Variants in INCENP observed in about 807,000 individuals in gnomAD.
INCENP encodes the protein binds and activates aurora-B and -C in vivo and in vitro.
INCENP carries 43 observed loss-of-function variants against 107.3 expected under a neutral mutation model. The observed-to-expected ratio is 0.40, with a 90% CI of 0.31 to 0.52. The LOEUF (loss-of-function observed/expected upper bound fraction) is 0.52. INCENP is among the 20% of genes least tolerant of loss of function. INCENP has a pLI of 0.53. For missense variants in INCENP, 1,089 were observed against 1,250.9 expected, an observed-to-expected ratio of 0.87 and a Z score of 1.95; for synonymous variants, 488 against 494.4, an observed-to-expected ratio of 0.99 and a Z score of 0.17.
intron 14 of INCENP, 21 bp downstream of exon 14, chr11:62,145,772 CAG>C: frequency 1.3e-6 from 2 of 1,548,200 alleles, no homozygotes; most frequent in South Asian, 1.2e-5. Context: ...AGGTGGGCCT[CAG>C]GGAGGAGGTG....
Position 62,129,835 on chromosome 11 carries a change from G to A in INCENP, c.308G>A (p.Ser103Asn), listed in dbSNP as rs768473115. Reference protein sequence around the residue: ...SSQLSSRRLRSKDSVEKLATV... With the variant: ...SSQLSSRRLRNKDSVEKLATV... The stretch of plus-strand genomic sequence containing the variant: ...CAGCTGAGCTCCCGACGCCTCCGCA[G>A]CAAGGACAGTGTAGAGAAGCTGGCT... Residue 103 changes from serine to asparagine, a missense_variant, in exon 4 of 19, where the codon AGC (serine) becomes AAC (asparagine). Physicochemically the swap from Ser to Asn is conservative, Grantham distance 46. Transcript: ENST00000394818. 3.7e-6 allele frequency: 6 copies of A among 1,612,272 alleles called. No homozygotes were observed. In the South Asian group the frequency reaches 4.4e-5, roughly 12 times the overall value.
chr11:62,142,253 T>C (rs1944140942), intron 11 of INCENP, among the ~76,000 whole-genome samples: 1 of 152,248 alleles, frequency 6.6e-6, no homozygotes, highest in Non-Finnish European at 1.5e-5. Context: ...CCGGGAGGGC[T>C]TCTGCCTCCA....
At position 62,141,031 on chromosome 11, in the gene INCENP, G is replaced by T. The variant is rs746144974; in HGVS notation, c.1580G>T (p.Arg527Leu). ...TTTATTAAGCGCAACACTCCCCTGC[G>T]CATGGACCCCAAGGTGAGGGGCCTG... The part of the protein sequence containing the change: ...KSFIKRNTPL[R>L]MDPKCSFVEK... Residue 527 changes from arginine to leucine, a missense_variant, in exon 10 of 19, where the codon CGC becomes CTC. Arg to Leu is a moderately radical substitution (Grantham distance 102, BLOSUM62 -2). Transcript: ENST00000394818. The T allele has an allele frequency of 2.4e-5, 38 of 1,613,438 alleles. No individual in the cohort carries two copies. Among genetic ancestry groups the T allele is most frequent in the Non-Finnish European group, 3.1e-5 (36 of 1,179,772 alleles).
At chr11:62,134,776 G>T (rs755890157) in intron 4 of INCENP, among the ~76,000 whole-genome samples, 1 of 152,170 alleles carries the variant, frequency 6.6e-6, no homozygotes, top group Non-Finnish European at 1.5e-5. Flanking sequence ...AACTGGACGG[G>T]CGAGGTGGCT....
Position 62,127,516 on chromosome 11 carries a change from G to T in INCENP, c.-11-635G>T, listed in dbSNP as rs144073142. ...TTGGAGGGCATTTCAGCTCAAGGGA[G>T]AGGGTTGTGGGAGGCCCCTTGAGGG... On this transcript the variant is annotated intron_variant, in intron 1 of 18. Coordinates refer to ENST00000394818, the MANE Select transcript of INCENP (RefSeq NM_001040694.2). Among the ~76,000 whole-genome samples the T allele has an allele frequency of 7.7e-3, 1,175 of 152,368 alleles. 10 individuals carry two copies. Among genetic ancestry groups the T allele is most frequent in the Non-Finnish European group, 0.012 (793 of 68,032 alleles).
chr11:62,144,834 G>A, intron 11 of INCENP, 148 bp from the exon 12 acceptor site: 3 of 802,758 alleles, frequency 3.7e-6, no homozygotes, highest in South Asian at 1.3e-5. Context: ...TGCTGTTGGG[G>A]CCACGTTGGG....
intron 7 of INCENP, among the ~76,000 whole-genome samples, 157 bp downstream of exon 7, chr11:62,139,162 C>G (rs1236202842): frequency 6.6e-6 from 1 of 152,168 alleles, no homozygotes. Flanking sequence ...CCTTTTGAGT[C>G]TGTAGACTTC....
chr11:62,139,132 A>C lies in INCENP; in HGVS notation c.1291+127A>C, dbSNP rs142511903. ...GGGCCAGTAGGCTAAAGAGAAATTA[A>C]ACCTGGGGGTGCAGAGATCCCTTTT... is the stretch of plus-strand genomic sequence containing the variant. On this transcript the variant is annotated intron_variant, in intron 7 of 18. Coordinates refer to ENST00000394818, the MANE Select transcript of INCENP (RefSeq NM_001040694.2). 1.8e-5 allele frequency: 12 copies of C among 681,266 alleles called. 1 individual carries two copies. In the African/African-American group the frequency reaches 2.0e-4, roughly 11 times the overall value. The allele number at this position is 681,266 out of a possible 1,614,324, so 42.2% of individuals were successfully genotyped here. A position where few individuals can be genotyped will look rare whatever the true frequency, so the allele number is the denominator to read the frequency against.
At chr11:62,125,904 T>C (rs1446362056) in intron 1 of INCENP, among the ~76,000 whole-genome samples, 6 of 152,208 alleles carry the variant, frequency 3.9e-5, no homozygotes, top group Non-Finnish European at 8.8e-5. Context: ...TGCAGAGAAT[T>C]ACAATCAATG....
chr11:62,138,107 G>A, intron 5 of INCENP: 1 of 594,656 alleles, frequency 1.7e-6, no homozygotes, highest in Non-Finnish European at 3.0e-6. Flanking sequence ...TGCCTGGCTA[G>A]ACCTGACCCT....
chr11:62,145,076 T>C lies in INCENP; in HGVS notation c.1700T>C (p.Leu567Pro), dbSNP rs1944211144. The change falls in exon 12 of 19, where the codon CTG becomes CCG. Residue 567 changes from leucine (L) to proline (P), a missense_variant. Physicochemically the swap from Leu to Pro is moderately conservative, Grantham distance 98. Transcript: ENST00000394818. ...QKVEEDKRRRLEEVKLKREER... is the reference protein window; with the variant it reads ...QKVEEDKRRRPEEVKLKREER... ...GTGGAGGAGGACAAGCGGCGGCGGC[T>C]GGAGGAGGTGAAGCTGTAAGTGGCC... The C allele has an allele frequency of 2.5e-6, 4 of 1,613,530 alleles. No individual in the cohort carries two copies. Among genetic ancestry groups the C allele is most frequent in the African/African-American group, 2.7e-5 (2 of 74,894 alleles).
chr11:62,141,111 C>T, intron 10 of INCENP, 67 bp downstream of exon 10: 1 of 1,551,282 alleles, frequency 6.4e-7, no homozygotes, highest in Non-Finnish European at 8.7e-7. Flanking sequence ...TCCAGTCTGT[C>T]CTGTAAGATA....
At chr11:62,131,909 G>T (rs1943902101) in intron 4 of INCENP, among the ~76,000 whole-genome samples, 1 of 152,036 alleles carries the variant, frequency 6.6e-6, no homozygotes, top group South Asian at 2.1e-4. Flanking sequence ...AGTCTCCCGA[G>T]TAGCAGGGAT....
At chr11:62,151,059 G>T (rs192682052) in intron 18 of INCENP, among the ~76,000 whole-genome samples, 67 of 152,300 alleles carry the variant, frequency 4.4e-4, no homozygotes, top group African/African-American at 1.6e-3. Flanking sequence ...GAGCCAGCTC[G>T]CTTGCAAAGC....
intron 18 of INCENP, among the ~76,000 whole-genome samples, chr11:62,151,511 G>A (rs768550777): frequency 6.6e-6 from 1 of 152,230 alleles, no homozygotes; most frequent in African/African-American, 2.4e-5. Flanking sequence ...GTCGGGACAG[G>A]TTCAAGGAGT....
intron 13 of INCENP, 69 bp from the exon 14 acceptor site, chr11:62,145,560 A>T: frequency 6.6e-7 from 1 of 1,516,874 alleles, no homozygotes; most frequent in Admixed American, 2.1e-5. Context: ...TGTCACACAC[A>T]GTTCTGGGCT....
At chr11:62,149,871 G>A (rs904307452) in intron 17 of INCENP, among the ~76,000 whole-genome samples, 186 bp from the exon 18 acceptor site, 10 of 151,144 alleles carry the variant, frequency 6.6e-5, no homozygotes, top group Admixed American at 1.3e-4. Context: ...GCAGTGAGCC[G>A]AGATCACACC....
chr11:62,141,126 G>C, intron 10 of INCENP, 82 bp downstream of exon 10: 1 of 1,520,976 alleles, frequency 6.6e-7, no homozygotes. Flanking sequence ...AAGATACTGG[G>C]AGTAGTGTGA....
At chr11:62,129,679 A>C in intron 3 of INCENP, 103 bp from the exon 4 acceptor site, 2 of 956,772 alleles carry the variant, frequency 2.1e-6, no homozygotes. Context: ...TTTTGCCTTC[A>C]CCTTCTCTTA....
Sources: gnomAD v4.1 joint callset for allele counts (sites outside exome capture counted in the v4.1 genomes callset) on GRCh38, gnomAD v4.1.1 for gene constraint, MANE v1.5 for transcripts, NCBI Gene and HGNC (gene_info 2026-07-23, HGNC 2026-07-21) for gene names.